The following ATM variants were observed in gnomAD, a reference collection of about 807,000 sequenced individuals.
ATM encodes the protein ATM serine/threonine kinase.
A neutral mutation model predicts 387.0 loss-of-function variants in ATM; 308 were observed. The ratio of observed to expected loss-of-function variants is 0.80; its 90% CI spans 0.73 to 0.87. The LOEUF is 0.87. Ranked by LOEUF, ATM falls within the 40% of genes least tolerant of loss-of-function variation. ATM has a pLI of 0.00. For synonymous variants in ATM, 1,156 were observed against 1,187.3 expected (o/e 0.97, Z 0.54); for missense variants, 3,312 against 3,560.9 (o/e 0.93, Z 1.78).
chr11:108,365,871 A>C lies in ATM; in HGVS notation c.*363A>C, dbSNP rs2091290600. Reference sequence around the variant, plus strand: ...TGGTGAAACCCTGTCTCTACTAAAAATACAAAAATTAGCCGAGCATGGTGG... The same window carrying C: ...TGGTGAAACCCTGTCTCTACTAAAACTACAAAAATTAGCCGAGCATGGTGG... On this transcript the variant is annotated 3_prime_UTR_variant, in exon 63 of 63. Transcript: ENST00000675843. The C allele has an allele frequency of 4.5e-6, 1 of 222,198 alleles. No homozygotes were observed. Among genetic ancestry groups the C allele is most frequent in the African/African-American group, 2.3e-5 (1 of 43,316 alleles). The allele number at this position is 222,198 out of a possible 1,614,324, so 13.8% of individuals were successfully genotyped here.
chr11:108,328,569 G>A (rs2136398512), intron 48 of ATM, among the ~76,000 whole-genome samples: 1 of 152,250 alleles, frequency 6.6e-6, no homozygotes, highest in South Asian at 2.1e-4. Context: ...ATTTTATAAA[G>A]TTCTCTGTTT....
In ATM at chr11:108,243,940, T is replaced by G; in HGVS notation, c.497-13T>G. On this transcript the variant is annotated splice_polypyrimidine_tract_variant and intron_variant, in intron 5 of 62. Transcript: ENST00000675843. ...TAAAAAATCATGACTAATAATTTTT[T>G]TTTTTTTTTAAGAATTGTTCTCTGT... is the stretch of plus-strand genomic sequence containing the variant. 2 of 1,532,564 alleles carry G rather than the reference T, an allele frequency of 1.3e-6. No individual in the cohort carries two copies. The highest frequency in any genetic ancestry group is 1.8e-6 in the Non-Finnish European group (2 of 1,139,768). The allele number at this position is 1,532,564 out of a possible 1,614,324, so 94.9% of individuals were successfully genotyped here. A position where few individuals can be genotyped will look rare whatever the true frequency, so the allele number is the denominator to read the frequency against.
chr11:108,264,078 C>T (rs962514940), intron 16 of ATM, among the ~76,000 whole-genome samples: 2 of 151,446 alleles, frequency 1.3e-5, no homozygotes, highest in African/African-American at 4.9e-5. Flanking sequence ...ACCATTCCTT[C>T]TGAAACTATT....
chr11:108,331,598 T>C, intron 51 of ATM, 41 bp downstream of exon 51: 3 of 1,512,702 alleles, frequency 2.0e-6, no homozygotes, highest in Non-Finnish European at 2.7e-6. Flanking sequence ...ATTATTTTTA[T>C]TCTATTATTA....
At chr11:108,244,195 C>T in intron 6 of ATM, 77 bp downstream of exon 6, 2 of 1,509,506 alleles carry the variant, frequency 1.3e-6, no homozygotes, top group South Asian at 2.3e-5. Context: ...GACTCAGTAA[C>T]TAAAAATTCT....
intron 60 of ATM, among the ~76,000 whole-genome samples, 177 bp downstream of exon 60, chr11:108,354,057 AT>A (rs1199186632): frequency 8.7e-6 from 1 of 114,804 alleles, no homozygotes; most frequent in Non-Finnish European, 1.8e-5. Flanking sequence ...ATCTAAAAAA[AT>A]ACACACACAC....
At chr11:108,242,632 G>C (rs1413773086) in intron 5 of ATM, among the ~76,000 whole-genome samples, 1 of 152,142 alleles carries the variant, frequency 6.6e-6, no homozygotes, top group East Asian at 1.9e-4. Flanking sequence ...GGCTGAGGCA[G>C]GTGGATCATC....
rs1412047109 is a variant in ATM, at chr11:108,327,631, C to T, written c.6976-14C>T. 6.2e-7 allele frequency: 1 copy of T among 1,600,416 alleles called. No individual in the cohort carries two copies. Among genetic ancestry groups the T allele is most frequent in the Non-Finnish European group, 8.6e-7 (1 of 1,168,186 alleles). The stretch of plus-strand genomic sequence containing the variant: ...TAATGCATTATATTTTAAGATTTTG[C>T]CTTTCTTATACAGAACAATCCCAGC... On this transcript the variant is annotated splice_polypyrimidine_tract_variant and intron_variant, in intron 47 of 62. Coordinates refer to ENST00000675843, the MANE Select transcript of ATM (RefSeq NM_000051.4).
At chr11:108,282,144 T>C (rs1373204702) in intron 24 of ATM, among the ~76,000 whole-genome samples, 3 of 151,596 alleles carry the variant, frequency 2.0e-5, no homozygotes, top group Non-Finnish European at 4.4e-5. Flanking sequence ...TTTTTTTTTT[T>C]TGAGACGGAG....
chr11:108,255,625 C>T (rs1371599899), intron 13 of ATM, among the ~76,000 whole-genome samples: 1 of 151,938 alleles, frequency 6.6e-6, no homozygotes, highest in African/African-American at 2.4e-5. Context: ...AAGGTTTCAC[C>T]ACGTTAGCCA....
intron 61 of ATM, 39 bp from the exon 62 acceptor site, chr11:108,365,043 G>T: frequency 6.2e-7 from 1 of 1,604,310 alleles, no homozygotes; most frequent in Non-Finnish European, 8.5e-7. Flanking sequence ...TGATTAAAAT[G>T]TACATTGTTC....
chr11:108,279,710 G>A (rs979104789), intron 23 of ATM, 102 bp downstream of exon 23: 4 of 934,806 alleles, frequency 4.3e-6, no homozygotes, highest in Middle Eastern at 2.5e-4. Context: ...TAATCCAGTA[G>A]TTTACAGTAT....
At chr11:108,241,396 T>C (rs1266829268) in intron 5 of ATM, among the ~76,000 whole-genome samples, 2 of 152,244 alleles carry the variant, frequency 1.3e-5, no homozygotes, top group African/African-American at 4.8e-5. Context: ...ATTATCATTA[T>C]CAAGGTTTAT....
intron 5 of ATM, among the ~76,000 whole-genome samples, chr11:108,236,773 T>G (rs1487663699): frequency 1.3e-5 from 2 of 152,152 alleles, no homozygotes; most frequent in Admixed American, 6.5e-5. Context: ...TCTGGTGTTG[T>G]TTCCTGTTTA....
chr11:108,309,730 GAC>G (rs2136001272), intron 38 of ATM, among the ~76,000 whole-genome samples: 1 of 152,310 alleles, frequency 6.6e-6, no homozygotes, highest in South Asian at 2.1e-4. Flanking sequence ...CAATAGGAAA[GAC>G]ATGTATTTGT....
rs1438459920 is a variant in ATM, at chr11:108,307,933, A to T, written c.5711A>T (p.Lys1904Ile). The change falls in exon 38 of 63, where the codon AAA becomes ATA. Residue 1904 changes from lysine to isoleucine, a missense_variant. This residue lies in a region of ATM where 1,405 missense variants were observed against 1,604.4 expected (regional missense o/e 0.88). Transcript: ENST00000675843. ...EHFFRCCLDK[K>I]SQRTMLAVVD... The stretch of plus-strand genomic sequence containing the variant: ...TTTTTCCGATGCTGTTTGGATAAAA[A>T]ATCACAAAGAACAATGCTTGCTGTT... The T allele has an allele frequency of 2.5e-6, 4 of 1,613,864 alleles. No individual in the cohort carries two copies.
intron 13 of ATM, among the ~76,000 whole-genome samples, chr11:108,254,465 T>C (rs772362718): frequency 2.0e-5 from 3 of 152,196 alleles, no homozygotes; most frequent in Non-Finnish European, 4.4e-5. Flanking sequence ...CTAGCAATTA[T>C]TTTAGACGTC....
At chr11:108,265,488 T>G (rs2081176065) in intron 16 of ATM, among the ~76,000 whole-genome samples, 1 of 152,090 alleles carries the variant, frequency 6.6e-6, no homozygotes, top group Non-Finnish European at 1.5e-5. Context: ...CAATTCAAGA[T>G]GGATTAAAGA....
intron 29 of ATM, 37 bp downstream of exon 29, chr11:108,289,838 TTCTA>T: frequency 6.4e-7 from 1 of 1,564,074 alleles, no homozygotes; most frequent in Non-Finnish European, 8.8e-7. Context: ...TAAGCAGTCT[TTCTA>T]TCCTGTTCTT....
Sources: allele counts gnomAD v4.1 joint callset (sites outside exome capture counted in the v4.1 genomes callset), GRCh38; gene constraint gnomAD v4.1.1; regional missense constraint gnomAD v4.1.1; transcripts MANE v1.5; gene names NCBI Gene and HGNC (gene_info 2026-07-23, HGNC 2026-07-21).